Variants in BATF observed in about 807,000 individuals in gnomAD.
BATF encodes basic leucine zipper transcriptional factor ATF-like.
In BATF, 5 loss-of-function variants were observed where a neutral mutation model predicts 13.7. That is an observed-to-expected ratio of 0.36 (90% CI 0.19 to 0.77). BATF has a LOEUF of 0.77. Among genes scored for constraint, BATF ranks in the 30% least tolerant of loss-of-function variants. BATF has a pLI of 0.51. For synonymous variants in BATF, 72 were observed against 67.5 expected (o/e 1.07, Z -0.33); for missense variants, 124 against 163.0 (o/e 0.76, Z 1.30).
intron 2 of BATF, among the ~76,000 whole-genome samples, chr14:75,531,596 C>T (rs1373223346): frequency 1.3e-5 from 2 of 152,144 alleles, no homozygotes; most frequent in Non-Finnish European, 2.9e-5. Context: ...AGGAGTCTCA[C>T]ACCAGTATAA....
intron 1 of BATF, among the ~76,000 whole-genome samples, chr14:75,523,221 A>G (rs112858666): frequency 3.6e-4 from 48 of 134,520 alleles, no homozygotes; most frequent in Non-Finnish European, 5.8e-4. Flanking sequence ...AAAAAAAAAA[A>G]AAGAAGAAGA....
chr14:75,535,726 T>A (rs1202111752), intron 2 of BATF, among the ~76,000 whole-genome samples: 1 of 152,084 alleles, frequency 6.6e-6, no homozygotes, highest in Non-Finnish European at 1.5e-5. Flanking sequence ...GGAAAACAGG[T>A]GTCCCAGTAA....
chr14:75,529,471 A>T lies in BATF; in HGVS notation c.168+4283A>T, dbSNP rs529543089. On this transcript the variant is annotated intron_variant, in intron 2 of 2. Coordinates refer to ENST00000286639, the MANE Select transcript of BATF (RefSeq NM_006399.5). ...CAACATGGTAAATGTTAAATTTTTT[A>T]AAAAAAGGAAGCTAAAGAAACTTGA... Among the ~76,000 whole-genome samples, 290 of 152,264 alleles carry T rather than the reference A, an allele frequency of 1.9e-3. 4 individuals are homozygous for T. The South Asian group carries it at 0.045, about 24-fold the overall frequency.
rs763411915 is a variant in BATF at position 75,522,669 on chromosome 14, G to A, written c.-14G>A. ...TGCCTGGGGCTGAGTGTGAGAGCCC[G>A]GAAGATTTCAGCCATGCCTCACAGC... On this transcript the variant is annotated 5_prime_UTR_variant, in exon 1 of 3. Transcript: ENST00000286639. The A allele has an allele frequency of 1.5e-5, 24 of 1,613,970 alleles. No homozygotes were observed. Among genetic ancestry groups the A allele is most frequent in the Admixed American group, 3.3e-5 (2 of 59,994 alleles).
Position 75,546,713 on chromosome 14 carries a change from A to T in BATF, c.*42A>T, listed in dbSNP as rs777823197. The stretch of plus-strand genomic sequence containing the variant: ...GAGCAGAGCCTCGGGAGGGGCACAC[A>T]GACTGTGGCAGAGCTGCGCCCATCC... On this transcript the variant is annotated 3_prime_UTR_variant, in exon 3 of 3. Transcript: ENST00000286639. 20 of 1,510,760 alleles carry T rather than the reference A, an allele frequency of 1.3e-5. No individual in the cohort carries two copies. Among genetic ancestry groups the T allele is most frequent in the Non-Finnish European group, 1.7e-5 (19 of 1,127,638 alleles). The allele number at this position is 1,510,760 out of a possible 1,614,324, so 93.6% of individuals were successfully genotyped here. A position where few individuals can be genotyped will look rare whatever the true frequency, so the allele number is the denominator to read the frequency against.
intron 2 of BATF, among the ~76,000 whole-genome samples, chr14:75,540,777 G>T (rs1364517949): frequency 6.6e-6 from 1 of 152,180 alleles, no homozygotes; most frequent in African/African-American, 2.4e-5. Flanking sequence ...TTGGCACACG[G>T]AAGTATTCAA....
intron 2 of BATF, among the ~76,000 whole-genome samples, chr14:75,531,895 C>T (rs1887739986): frequency 6.6e-6 from 1 of 152,164 alleles, no homozygotes; most frequent in South Asian, 2.1e-4. Context: ...AGATAAGTCA[C>T]AGGTCAGGAA....
At chr14:75,527,461 G>T (rs575327402) in intron 2 of BATF, among the ~76,000 whole-genome samples, 1 of 152,138 alleles carries the variant, frequency 6.6e-6, no homozygotes, top group South Asian at 2.1e-4. Flanking sequence ...TTTATGAACA[G>T]AAGAGTCTTT....
intron 2 of BATF, among the ~76,000 whole-genome samples, chr14:75,540,775 C>A (rs367946296): frequency 4.6e-5 from 7 of 152,120 alleles, no homozygotes; most frequent in African/African-American, 1.2e-4. Context: ...GATTGGCACA[C>A]GGAAGTATTC....
At chr14:75,544,792 A>AT (rs55834315) in intron 2 of BATF, among the ~76,000 whole-genome samples, 4,749 of 133,948 alleles carry the variant, frequency 0.035, 279 homozygotes, top group African/African-American at 0.12. Flanking sequence ...TTGAACTGAA[A>AT]TTTTTTTTTT....
chr14:75,525,713 C>T (rs1167883796), intron 2 of BATF, among the ~76,000 whole-genome samples: 1 of 150,322 alleles, frequency 6.7e-6, no homozygotes, highest in African/African-American at 2.5e-5. Context: ...GGCCAGGAGG[C>T]TGAACAGAGA....
intron 2 of BATF, among the ~76,000 whole-genome samples, chr14:75,545,033 A>C (rs1394894262): frequency 6.6e-6 from 1 of 152,042 alleles, no homozygotes; most frequent in African/African-American, 2.4e-5. Flanking sequence ...CTTAGCAGGC[A>C]TTTTTCTGAT....
At chr14:75,533,872 A>T (rs905894144) in intron 2 of BATF, among the ~76,000 whole-genome samples, 1 of 152,198 alleles carries the variant, frequency 6.6e-6, no homozygotes, top group African/African-American at 2.4e-5. Flanking sequence ...GACGCCCAAG[A>T]ACCCAAACCT....
At chr14:75,540,031 T>A (rs1297740271) in intron 2 of BATF, among the ~76,000 whole-genome samples, 1 of 152,154 alleles carries the variant, frequency 6.6e-6, no homozygotes, top group Non-Finnish European at 1.5e-5. Flanking sequence ...ACCCTGCCAA[T>A]ACATGATTAC....
intron 2 of BATF, among the ~76,000 whole-genome samples, chr14:75,544,562 CAAAA>C (rs67545560): frequency 3.0e-4 from 10 of 33,016 alleles, no homozygotes; most frequent in African/African-American, 9.4e-4. Context: ...GAGACTGTCT[CAAAA>C]AAAAAAAAAA....
intron 2 of BATF, among the ~76,000 whole-genome samples, chr14:75,533,466 T>A (rs1208688321): frequency 1.3e-5 from 2 of 150,376 alleles, no homozygotes; most frequent in African/African-American, 4.9e-5. Context: ...TCTGTCTACA[T>A]AGGATGATGG....
rs776061792 is a variant in BATF, at chr14:75,522,668, C to T, written c.-15C>T. ...GTGCCTGGGGCTGAGTGTGAGAGCC[C>T]GGAAGATTTCAGCCATGCCTCACAG... On this transcript the variant is annotated 5_prime_UTR_variant, in exon 1 of 3. Transcript: ENST00000286639. 1.1e-5 allele frequency: 18 copies of T among 1,613,908 alleles called. No individual in the cohort carries two copies. The highest frequency in any genetic ancestry group is 1.4e-5 in the Non-Finnish European group (17 of 1,179,994).
chr14:75,525,046 T>C (rs749851742), intron 1 of BATF, 38 bp from the exon 2 acceptor site: 1 of 1,544,594 alleles, frequency 6.5e-7, no homozygotes, highest in South Asian at 1.1e-5. Flanking sequence ...AGAAGGGAGA[T>C]GCAGACCCAT....
intron 1 of BATF, among the ~76,000 whole-genome samples, chr14:75,524,609 A>G (rs1887624290): frequency 6.6e-6 from 1 of 152,166 alleles, no homozygotes; most frequent in Admixed American, 6.5e-5. Context: ...AGCATTGGGG[A>G]ATTAAACAAG....
Sources: gnomAD v4.1 joint callset for allele counts (sites outside exome capture counted in the v4.1 genomes callset) on GRCh38, gnomAD v4.1.1 for gene constraint, MANE v1.5 for transcripts, NCBI Gene and HGNC (gene_info 2026-07-23, HGNC 2026-07-21) for gene names.